DLG1: variants seen among roughly 807,000 people sequenced by gnomAD.
DLG1 encodes the protein discs large MAGUK scaffold protein 1, also known as disks large homolog 1.
In DLG1, 42 loss-of-function variants were observed where a neutral mutation model predicts 123.4. That is an observed-to-expected ratio of 0.34 (90% CI 0.27 to 0.44). DLG1 has a LOEUF of 0.44. Ranked by LOEUF, DLG1 falls within the 20% of genes least tolerant of loss-of-function variation. The pLI is 1.00. For synonymous variants in DLG1, 317 were observed against 356.2 expected, an observed-to-expected ratio of 0.89 and a Z score of 1.24; for missense variants, 942 against 1,082.6, an observed-to-expected ratio of 0.87 and a Z score of 1.82.
intron 4 of DLG1, among the ~76,000 whole-genome samples, chr3:197,241,162 A>C (rs1284946467): frequency 6.6e-6 from 1 of 152,140 alleles, no homozygotes; most frequent in African/African-American, 2.4e-5. Context: ...GAAAAGAAAC[A>C]AATAACATAT....
intron 19 of DLG1, among the ~76,000 whole-genome samples, 179 bp downstream of exon 19, chr3:197,069,040 C>T (rs1246759167): frequency 2.0e-5 from 3 of 151,712 alleles, no homozygotes; most frequent in Non-Finnish European, 2.9e-5. Context: ...ATAAATTAAC[C>T]TCTACATATA....
In DLG1 at chr3:197,258,059, T is replaced by C. The variant is rs145390839; in HGVS notation, c.318+24620A>G. On this transcript the variant is annotated intron_variant, in intron 4 of 24. Coordinates refer to ENST00000667157, the MANE Select transcript of DLG1 (RefSeq NM_001366207.1). ...GCTGATTAAAGTACATAAAAATGTA[T>C]ATAAGTGTATGAACAATAATCAGAA... 2.1e-3 allele frequency among the ~76,000 whole-genome samples: 326 copies of C among 152,336 alleles called. 1 individual carries two copies. Among genetic ancestry groups the C allele is most frequent in the African/African-American group, 7.5e-3 (311 of 41,586 alleles).
At chr3:197,161,882 A>G in intron 5 of DLG1, 1 of 535,206 alleles carries the variant, frequency 1.9e-6, no homozygotes, top group Admixed American at 4.1e-5. Context: ...ACACTAATAT[A>G]AATGAGAAAA....
chr3:197,168,834 T>C (rs1386106447), intron 5 of DLG1, among the ~76,000 whole-genome samples: 1 of 152,204 alleles, frequency 6.6e-6, no homozygotes, highest in Non-Finnish European at 1.5e-5. Context: ...AGCAACATCA[T>C]GGAATCATTA....
intron 5 of DLG1, among the ~76,000 whole-genome samples, chr3:197,169,112 A>C (rs929665359): frequency 2.2e-4 from 33 of 152,330 alleles, no homozygotes; most frequent in African/African-American, 7.5e-4. Context: ...ACAGATTTTC[A>C]TAAAGTGGTC....
intron 4 of DLG1, among the ~76,000 whole-genome samples, chr3:197,247,731 A>T (rs61394945): frequency 6.6e-6 from 1 of 151,958 alleles, no homozygotes; most frequent in Non-Finnish European, 1.5e-5. Flanking sequence ...TTTTAACATG[A>T]GACCTAAGGG....
chr3:197,260,750 CAAAAAAAAAAAAAAAAAAAAA>C (rs570596943), intron 4 of DLG1, among the ~76,000 whole-genome samples: 4 of 18,318 alleles, frequency 2.2e-4, no homozygotes, highest in East Asian at 3.1e-3. Context: ...TGACAACCAC[CAAAAAAAAAAAAAAAAAAAAA>C]AAAAAAAAAA....
chr3:197,075,912 A>G, intron 18 of DLG1: 1 of 1,585,592 alleles, frequency 6.3e-7, no homozygotes, highest in Non-Finnish European at 8.6e-7. Context: ...TAAAAAGATA[A>G]TCAAAGAAAA....
At chr3:197,114,635 C>G (rs1361115717) in intron 13 of DLG1, among the ~76,000 whole-genome samples, 1 of 152,168 alleles carries the variant, frequency 6.6e-6, no homozygotes, top group Non-Finnish European at 1.5e-5. Flanking sequence ...TTGCTTTTTA[C>G]AATGACTAGG....
chr3:197,216,673 G>A (rs548072634), intron 4 of DLG1, among the ~76,000 whole-genome samples: 2 of 152,130 alleles, frequency 1.3e-5, no homozygotes, highest in East Asian at 3.8e-4. Flanking sequence ...GGAGGTATTC[G>A]GCAGAAATAG....
chr3:197,246,656 A>G (rs1751861605), intron 4 of DLG1, among the ~76,000 whole-genome samples: 1 of 152,136 alleles, frequency 6.6e-6, no homozygotes, highest in South Asian at 2.1e-4. Context: ...GTTCTTGAGT[A>G]AGCACCCTGA....
intron 4 of DLG1, among the ~76,000 whole-genome samples, chr3:197,259,027 T>C (rs1016649174): frequency 9.2e-5 from 14 of 152,172 alleles, no homozygotes; most frequent in African/African-American, 3.4e-4. Context: ...TCAAAGTCTA[T>C]CAAGGAAGAT....
rs1266036749 is a variant in DLG1, at chr3:197,090,907, T to C, written c.1661+5A>G. The C allele has an allele frequency of 1.9e-6, 3 of 1,552,286 alleles. No individual in the cohort carries two copies. Among genetic ancestry groups the C allele is most frequent in the Non-Finnish European group, 2.6e-6 (3 of 1,140,952 alleles). The stretch of plus-strand genomic sequence containing the variant: ...TTTGCCATAATTAGAAGTAAAAAAA[T>C]TTACCTGACATAGAGGGATCGCTTC... On this transcript the variant is annotated splice_donor_5th_base_variant and intron_variant, in intron 15 of 24. Transcript: ENST00000667157.
intron 4 of DLG1, among the ~76,000 whole-genome samples, chr3:197,234,981 ACTT>A (rs1183873047): frequency 6.6e-6 from 1 of 152,094 alleles, no homozygotes; most frequent in Non-Finnish European, 1.5e-5. Context: ...ATATGAAAAA[ACTT>A]CTACGTCAGG....
chr3:197,290,426 A>T (rs1774260007), intron 3 of DLG1, among the ~76,000 whole-genome samples: 1 of 152,160 alleles, frequency 6.6e-6, no homozygotes, highest in African/African-American at 2.4e-5. Context: ...ACAAGGGGTA[A>T]AAAACAATGA....
At chr3:197,296,958 G>A in intron 2 of DLG1, 1 of 552,358 alleles carries the variant, frequency 1.8e-6, no homozygotes, top group Non-Finnish European at 3.2e-6. Flanking sequence ...TCTGTTGGGG[G>A]GGGGCTAACT....
intron 4 of DLG1, among the ~76,000 whole-genome samples, chr3:197,264,757 G>A (rs1241737540): frequency 6.6e-6 from 1 of 152,038 alleles, no homozygotes; most frequent in Non-Finnish European, 1.5e-5. Context: ...TCAGATCAGG[G>A]ATATTCAACC....
intron 13 of DLG1, among the ~76,000 whole-genome samples, chr3:197,113,634 T>TA (rs1771362579): frequency 6.6e-6 from 1 of 152,198 alleles, no homozygotes; most frequent in Non-Finnish European, 1.5e-5. Context: ...CCTTTATATT[T>TA]AAAGTAAATT....
At chr3:197,096,115 G>A (rs541230296) in intron 14 of DLG1, among the ~76,000 whole-genome samples, 353 of 152,288 alleles carry the variant, frequency 2.3e-3, no homozygotes, top group Non-Finnish European at 3.8e-3. Context: ...AGTGGGCAGA[G>A]CCAGGGAAAA....
Sources: allele counts gnomAD v4.1 joint callset (sites outside exome capture counted in the v4.1 genomes callset), GRCh38; gene constraint gnomAD v4.1.1; transcripts MANE v1.5; gene names NCBI Gene and HGNC (gene_info 2026-07-23, HGNC 2026-07-21).